SULT6B1: variants seen among roughly 807,000 people sequenced by gnomAD.
The protein encoded by SULT6B1 is sulfotransferase family 6B member 1.
Under a neutral mutation model 37.2 loss-of-function variants are expected in SULT6B1, and 44 were observed. The observed-to-expected ratio is 1.18, with a 90% CI of 0.93 to 1.52. The LOEUF (loss-of-function observed/expected upper bound fraction) is 1.52. Among genes scored for constraint, SULT6B1 ranks in the 40% most tolerant of loss-of-function variants. The pLI, the probability that SULT6B1 is intolerant of heterozygous loss-of-function variation, is 0.00. For missense variants in SULT6B1, 450 were observed against 361.0 expected (o/e 1.25, Z -2.00); for synonymous variants, 140 against 126.0 (o/e 1.11, Z -0.74).
intron 6 of SULT6B1, among the ~76,000 whole-genome samples, chr2:37,170,474 AT>A (rs1248717418): frequency 6.7e-6 from 1 of 149,384 alleles, no homozygotes; most frequent in African/African-American, 2.5e-5. Context: ...CTCAAAAAAA[AT>A]ATATAAAATA....
At chr2:37,179,416 C>A (rs1229398351) in intron 4 of SULT6B1, 42 bp downstream of exon 4, 5 of 1,608,840 alleles carry the variant, frequency 3.1e-6, no homozygotes, top group South Asian at 2.2e-5. Context: ...TTTATGTGGT[C>A]ATCTGATCAA....
chr2:37,177,310 A>G (rs1485042042), intron 4 of SULT6B1, among the ~76,000 whole-genome samples: 2 of 151,166 alleles, frequency 1.3e-5, no homozygotes, highest in Non-Finnish European at 2.9e-5. Flanking sequence ...CTGTGGTCCC[A>G]GCTACTTAGG....
intron 5 of SULT6B1, among the ~76,000 whole-genome samples, chr2:37,173,921 ACTC>A (rs751176159): frequency 3.3e-5 from 5 of 151,298 alleles, no homozygotes; most frequent in African/African-American, 1.2e-4. Context: ...TGCTCCAATC[ACTC>A]CTCTGCTCAA....
chr2:37,187,238 G>T, intron 2 of SULT6B1, 117 bp downstream of exon 2: 1 of 671,760 alleles, frequency 1.5e-6, no homozygotes, highest in Non-Finnish European at 2.6e-6. Context: ...TAAGCACACA[G>T]TAAATTGTGG....
At chr2:37,194,040 C>A (rs184933129) in intron 1 of SULT6B1, among the ~76,000 whole-genome samples, 3 of 152,298 alleles carry the variant, frequency 2.0e-5, no homozygotes, top group Admixed American at 2.0e-4. Flanking sequence ...CTGCAGAAAT[C>A]ATGACATTTC....
At chr2:37,179,390 C>T (rs534905924) in intron 4 of SULT6B1, 68 bp downstream of exon 4, 2 of 1,590,568 alleles carry the variant, frequency 1.3e-6, no homozygotes, top group East Asian at 2.3e-5. Context: ...CCCTAAAACA[C>T]ATTTGGGTTT....
intron 5 of SULT6B1, among the ~76,000 whole-genome samples, chr2:37,174,885 A>C (rs114144689): frequency 0.024 from 3,625 of 152,304 alleles, 65 homozygotes; most frequent in Middle Eastern, 0.058. Context: ...TGAACTATCC[A>C]TCATAAAGGG....
chr2:37,189,882 C>T (rs896585779), upstream of SULT6B1: 4 of 152,178 alleles, frequency 2.6e-5, no homozygotes, highest in Admixed American at 6.5e-5. Context: ...CTTCCCCATA[C>T]CTGGAAGGCA....
chr2:37,176,461 T>C (rs1371820850), intron 4 of SULT6B1, among the ~76,000 whole-genome samples: 2 of 151,956 alleles, frequency 1.3e-5, no homozygotes, highest in Non-Finnish European at 2.9e-5. Flanking sequence ...GGTTTCACCA[T>C]ATTGGTCAGG....
At chr2:37,172,643 G>A (rs1315026950) in intron 5 of SULT6B1, among the ~76,000 whole-genome samples, 1 of 151,828 alleles carries the variant, frequency 6.6e-6, no homozygotes, top group Non-Finnish European at 1.5e-5. Flanking sequence ...GAGTAGCTGG[G>A]ATTAGAGGTG....
chr2:37,183,628 A>G, intron 2 of SULT6B1, 114 bp from the exon 3 acceptor site: 1 of 715,642 alleles, frequency 1.4e-6, no homozygotes, highest in East Asian at 2.7e-5. Context: ...TACTGTCACT[A>G]TATCTTCTCC....
At chr2:37,188,716 C>T (rs773818189), upstream of SULT6B1, 1 of 596,416 alleles carries the variant, frequency 1.7e-6, no homozygotes, top group Non-Finnish European at 3.0e-6. Context: ...TGGGCAGGGG[C>T]TGGAATAAAG....
At chr2:37,178,953 TTTTG>T (rs5830459) in intron 4 of SULT6B1, among the ~76,000 whole-genome samples, 2,248 of 151,212 alleles carry the variant, frequency 0.015, 169 homozygotes, top group Admixed American at 0.13. Context: ...CAAATTAGTT[TTTTG>T]TTTGTTTGTT....
intron 4 of SULT6B1, among the ~76,000 whole-genome samples, chr2:37,175,881 A>C (rs185616216): frequency 2.6e-5 from 4 of 152,248 alleles, no homozygotes; most frequent in Non-Finnish European, 5.9e-5. Context: ...TAAAACGTAC[A>C]GTTTAAAAAG....
chr2:37,181,740 T>C (rs774255054), intron 3 of SULT6B1, among the ~76,000 whole-genome samples: 7 of 152,212 alleles, frequency 4.6e-5, no homozygotes, highest in African/African-American at 1.2e-4. Flanking sequence ...TTCAAAAGCC[T>C]GCGTGCCCCA....
intron 3 of SULT6B1, among the ~76,000 whole-genome samples, chr2:37,181,156 G>C (rs1676541297): frequency 6.6e-6 from 1 of 152,100 alleles, no homozygotes; most frequent in African/African-American, 2.4e-5. Flanking sequence ...CAATGGGTCT[G>C]GGTCTTGTCT....
At chr2:37,169,747 C>T (rs1322315848) in intron 6 of SULT6B1, among the ~76,000 whole-genome samples, 1 of 152,190 alleles carries the variant, frequency 6.6e-6, no homozygotes, top group Non-Finnish European at 1.5e-5. Flanking sequence ...CCTGCCTCGG[C>T]CTCCCAAAGT....
At chr2:37,172,377 T>C (rs1281629872) in intron 5 of SULT6B1, among the ~76,000 whole-genome samples, 1 of 152,194 alleles carries the variant, frequency 6.6e-6, no homozygotes, top group African/African-American at 2.4e-5. Flanking sequence ...CCTCAAGAAA[T>C]ATTTATTAAC....
At chr2:37,178,575 G>C (rs899428185) in intron 4 of SULT6B1, among the ~76,000 whole-genome samples, 1 of 151,726 alleles carries the variant, frequency 6.6e-6, no homozygotes, top group African/African-American at 2.4e-5. Flanking sequence ...GTACAATGGG[G>C]CTAATACCAC....
Sources: allele counts gnomAD v4.1 joint callset (sites outside exome capture counted in the v4.1 genomes callset), GRCh38; gene constraint gnomAD v4.1.1; transcripts MANE v1.5; gene names NCBI Gene and HGNC (gene_info 2026-07-23, HGNC 2026-07-21).